The following KCNH7 variants were observed in gnomAD, a reference collection of about 807,000 sequenced individuals.
The protein encoded by KCNH7 is potassium voltage-gated channel subfamily H member 7, also known as voltage-gated inwardly rectifying potassium channel KCNH7.
Under a neutral mutation model 120.8 loss-of-function variants are expected in KCNH7, and 49 were observed. The ratio of observed to expected loss-of-function variants is 0.41; its 90% CI spans 0.32 to 0.51. The LOEUF (loss-of-function observed/expected upper bound fraction) is 0.51, where lower values mean the gene tolerates loss of function less well. KCNH7 is among the 20% of genes least tolerant of loss of function. The pLI, the probability that KCNH7 is intolerant of heterozygous loss-of-function variation, is 0.38. For missense variants in KCNH7, 1,097 were observed against 1,446.6 expected (o/e 0.76, Z 3.92); for synonymous variants, 547 against 516.1 (o/e 1.06, Z -0.81).
intron 10 of KCNH7, 108 bp downstream of exon 10, chr2:162,400,081 A>T: frequency 8.1e-7 from 1 of 1,233,336 alleles, no homozygotes; most frequent in Non-Finnish European, 1.1e-6. Flanking sequence ...CCACCATCTT[A>T]AACTGTTCTT....
At chr2:162,779,976 C>T (rs1683414636) in intron 2 of KCNH7, among the ~76,000 whole-genome samples, 2 of 152,150 alleles carry the variant, frequency 1.3e-5, no homozygotes, top group Non-Finnish European at 2.9e-5. Flanking sequence ...TTAACAAAAA[C>T]TTTCTAATGC....
chr2:162,423,353 C>T lies in KCNH7; in HGVS notation c.2137G>A (p.Gly713Ser). 4.3e-6 allele frequency: 7 copies of T among 1,614,064 alleles called. No individual in the cohort carries two copies. Among genetic ancestry groups the T allele is most frequent in the Non-Finnish European group, 5.9e-6 (7 of 1,179,944 alleles). Reference protein sequence around the residue: ...YFQHAWTYTNGIDMNMVLKGF... With the variant: ...YFQHAWTYTNSIDMNMVLKGF... ...ATACATACCATGTTCATGTCAATGCCATTGGTGTAAGTCCATGCGTGCTGG... is the reference window on the plus strand; with the variant it reads ...ATACATACCATGTTCATGTCAATGCTATTGGTGTAAGTCCATGCGTGCTGG... Residue 713 changes from glycine to serine, a missense_variant, in exon 9 of 16, where the codon GGC becomes AGC. Coordinates refer to ENST00000332142, the MANE Select transcript of KCNH7 (RefSeq NM_033272.4).
At chr2:162,729,894 C>T (rs1687664187) in intron 2 of KCNH7, among the ~76,000 whole-genome samples, 1 of 151,710 alleles carries the variant, frequency 6.6e-6, no homozygotes, top group South Asian at 2.1e-4. Flanking sequence ...TTTTTTTCTT[C>T]ATCTCCTGAG....
chr2:162,741,368 C>T (rs1266845325), intron 2 of KCNH7, among the ~76,000 whole-genome samples: 1 of 150,092 alleles, frequency 6.7e-6, no homozygotes, highest in Non-Finnish European at 1.5e-5. Flanking sequence ...ATGCTATTTT[C>T]ATGTTAAATT....
At chr2:162,610,311 G>A (rs1272279099) in intron 2 of KCNH7, among the ~76,000 whole-genome samples, 1 of 133,684 alleles carries the variant, frequency 7.5e-6, no homozygotes, top group African/African-American at 3.0e-5. Context: ...TTCCTTTAGA[G>A]AACAGCTAAA....
chr2:162,583,867 G>T (rs1486720441), intron 2 of KCNH7, among the ~76,000 whole-genome samples: 6 of 152,070 alleles, frequency 3.9e-5, no homozygotes, highest in Admixed American at 3.9e-4. Flanking sequence ...TTATTTTGTA[G>T]TAATCACACC....
Position 162,446,423 on chromosome 2 carries a change from A to T in KCNH7, c.1149T>A (p.Asp383Glu), listed in dbSNP as rs968248427. ...TCTGCAGTTTGTATTCAGGTAGGAC[A>T]TCTGCTCCTAAAGAGAGAACCTGAA... ...KVTQVLSLGA[D>E]VLPEYKLQTP... Residue 383 changes from aspartate to glutamate, a missense_variant, in exon 7 of 16, where the codon GAT (aspartate) becomes GAA (glutamate). Asp to Glu is a conservative substitution (Grantham distance 45, BLOSUM62 2). Transcript: ENST00000332142. The T allele has an allele frequency of 5.0e-6, 8 of 1,610,406 alleles. No homozygotes were observed. Among genetic ancestry groups the T allele is most frequent in the Non-Finnish European group, 6.8e-6 (8 of 1,177,974 alleles).
At chr2:162,833,911 G>A (rs1329774599) in intron 2 of KCNH7, among the ~76,000 whole-genome samples, 1 of 152,114 alleles carries the variant, frequency 6.6e-6, no homozygotes, top group Non-Finnish European at 1.5e-5. Flanking sequence ...TGTTCATTGG[G>A]CTTATTACAT....
At chr2:162,635,268 T>C (rs1229707642) in intron 2 of KCNH7, among the ~76,000 whole-genome samples, 1 of 152,034 alleles carries the variant, frequency 6.6e-6, no homozygotes, top group African/African-American at 2.4e-5. Context: ...TAAGACACAG[T>C]TTGTCTCCTT....
At chr2:162,638,732 A>G (rs1379964943) in intron 2 of KCNH7, among the ~76,000 whole-genome samples, 1 of 152,098 alleles carries the variant, frequency 6.6e-6, no homozygotes, top group African/African-American at 2.4e-5. Context: ...CCCAACTCAG[A>G]TCATTAAGCA....
intron 5 of KCNH7, among the ~76,000 whole-genome samples, chr2:162,511,819 G>A (rs985625451): frequency 6.6e-6 from 1 of 151,694 alleles, no homozygotes; most frequent in African/African-American, 2.4e-5. Context: ...GGTTACTGGT[G>A]GAGACGTGTT....
At chr2:162,757,655 CA>C (rs770454026) in intron 2 of KCNH7, among the ~76,000 whole-genome samples, 5 of 152,170 alleles carry the variant, frequency 3.3e-5, no homozygotes, top group Non-Finnish European at 7.4e-5. Context: ...TCTTCAGGTT[CA>C]TAATCATGCT....
rs546510505 is a variant in KCNH7, at chr2:162,417,955, A to C, written c.2154+5381T>G. 2.6e-5 allele frequency among the ~76,000 whole-genome samples: 4 copies of C among 152,282 alleles called. No individual in the cohort carries two copies. The South Asian group carries it at 8.3e-4, about 32-fold the overall frequency. ...TGGTGTAAAATAGGAAAGGCAAGTG[A>C]ACTTTGCCTTTTAAAAGCACCTGCT... On this transcript the variant is annotated intron_variant, in intron 9 of 15. Transcript: ENST00000332142.
At chr2:162,625,834 A>T (rs1683536086) in intron 2 of KCNH7, among the ~76,000 whole-genome samples, 1 of 152,136 alleles carries the variant, frequency 6.6e-6, no homozygotes, top group Admixed American at 6.6e-5. Flanking sequence ...ATAGATTGAG[A>T]TGTGTGTGAG....
intron 2 of KCNH7, among the ~76,000 whole-genome samples, chr2:162,609,706 C>T (rs1259130912): frequency 6.6e-6 from 1 of 151,924 alleles, no homozygotes; most frequent in Non-Finnish European, 1.5e-5. Flanking sequence ...GGAGAGTTGG[C>T]AGAAAGTAGA....
At position 162,394,472 on chromosome 2, in the gene KCNH7, C is replaced by G. The variant is rs375588527; in HGVS notation, c.2627G>C (p.Arg876Pro). The change falls in exon 12 of 16, where the codon CGA (arginine) becomes CCA (proline). Residue 876 changes from arginine to proline, a missense_variant. Coordinates refer to ENST00000332142, the MANE Select transcript of KCNH7 (RefSeq NM_033272.4). Reference sequence around the variant, plus strand: ...TTCTGAATCATTCATGGATTGTGATCGTAGGAGATCAGCCTTTGTTAATGG... The same window carrying G: ...TTCTGAATCATTCATGGATTGTGATGGTAGGAGATCAGCCTTTGTTAATGG... Reference protein sequence around the residue: ...RHESAKADLLRSQSMNDSEGD... With the variant: ...RHESAKADLLPSQSMNDSEGD... 1 of 1,596,224 alleles carries G rather than the reference C, an allele frequency of 6.3e-7. No homozygotes were observed. The highest frequency in any genetic ancestry group is 8.6e-7 in the Non-Finnish European group (1 of 1,165,382).
At chr2:162,470,835 T>C (rs878972739) in intron 6 of KCNH7, among the ~76,000 whole-genome samples, 2 of 152,284 alleles carry the variant, frequency 1.3e-5, no homozygotes, top group African/African-American at 2.4e-5. Context: ...ATTGAGAAAT[T>C]GGGTGGTTGC....
Position 162,471,109 on chromosome 2 carries a change from G to A in KCNH7, c.1129-24666C>T, listed in dbSNP as rs185523401. Among the ~76,000 whole-genome samples, 1,266 of 152,180 alleles carry A rather than the reference G, an allele frequency of 8.3e-3. 20 individuals are homozygous for A. Among genetic ancestry groups the A allele is most frequent in the African/African-American group, 0.029 (1,202 of 41,488 alleles). On this transcript the variant is annotated intron_variant, in intron 6 of 15. Coordinates refer to ENST00000332142, the MANE Select transcript of KCNH7 (RefSeq NM_033272.4). The stretch of plus-strand genomic sequence containing the variant: ...AAGTACCCAGGGACACAAACACTGC[G>A]GAGGGCCGCAGGGTCCTCTGCCTAG...
At chr2:162,588,767 T>A (rs979544209) in intron 2 of KCNH7, among the ~76,000 whole-genome samples, 4 of 152,114 alleles carry the variant, frequency 2.6e-5, no homozygotes, top group African/African-American at 9.7e-5. Flanking sequence ...TTTGAAACTA[T>A]ATAATACATC....
Sources: gnomAD v4.1 joint callset for allele counts (sites outside exome capture counted in the v4.1 genomes callset) on GRCh38, gnomAD v4.1.1 for gene constraint, MANE v1.5 for transcripts, NCBI Gene and HGNC (gene_info 2026-07-23, HGNC 2026-07-21) for gene names.